FRMD4A: variants seen among roughly 807,000 people sequenced by gnomAD.
The protein encoded by FRMD4A is FERM domain-containing protein 4A.
In FRMD4A, 29 loss-of-function variants were observed where a neutral mutation model predicts 129.1. That is an observed-to-expected ratio of 0.22 (90% CI 0.17 to 0.31). The LOEUF (loss-of-function observed/expected upper bound fraction) is 0.31, where lower values mean the gene tolerates loss of function less well. FRMD4A is among the 10% of genes least tolerant of loss of function. The pLI, the probability that FRMD4A is intolerant of heterozygous loss-of-function variation, is 1.00. For missense variants in FRMD4A, 1,272 were observed against 1,375.8 expected (o/e 0.92, Z 1.19); for synonymous variants, 634 against 571.6 (o/e 1.11, Z -1.56).
chr10:14,100,051 A>T (rs1228130099), intron 2 of FRMD4A, among the ~76,000 whole-genome samples: 1 of 152,232 alleles, frequency 6.6e-6, no homozygotes, highest in Non-Finnish European at 1.5e-5. Flanking sequence ...TTTCACCCCC[A>T]CGTGCCAGAC....
intron 2 of FRMD4A, among the ~76,000 whole-genome samples, chr10:13,964,486 T>TGGGGGGGGGAGGGGGGGGGGGGGG (rs1485386442): frequency 3.5e-5 from 1 of 28,198 alleles, no homozygotes; most frequent in Non-Finnish European, 8.3e-5. Context: ...TGGGGGTGGG[T>TGGGGGGGGGAGGGGGGGGGGGGGG]GGGGAGGCAA....
intron 21 of FRMD4A, 25 bp downstream of exon 21, chr10:13,659,298 G>A (rs1207213538): frequency 6.2e-7 from 1 of 1,607,358 alleles, no homozygotes; most frequent in South Asian, 1.1e-5. Context: ...GGCTTGGTCT[G>A]AGCAGGAAGG....
intron 3 of FRMD4A, among the ~76,000 whole-genome samples, chr10:13,841,637 C>T (rs1433442408): frequency 1.3e-5 from 2 of 152,210 alleles, no homozygotes; most frequent in Non-Finnish European, 2.9e-5. Flanking sequence ...GAGTGTTGCA[C>T]TGTAACTCCA....
At chr10:14,163,058 T>C (rs996120440) in intron 2 of FRMD4A, among the ~76,000 whole-genome samples, 6 of 152,086 alleles carry the variant, frequency 3.9e-5, no homozygotes, top group African/African-American at 1.4e-4. Context: ...CAAAGAATAA[T>C]AGAAAGTTTG....
Position 14,150,182 on chromosome 10 carries a change from A to G in FRMD4A, c.45+179876T>C, listed in dbSNP as rs117618612. 4.0e-3 allele frequency among the ~76,000 whole-genome samples: 608 copies of G among 152,298 alleles called. 9 individuals are homozygous for G. In the East Asian group the frequency reaches 0.043, roughly 11 times the overall value. On this transcript the variant is annotated intron_variant, in intron 2 of 24. Coordinates refer to ENST00000357447, the MANE Select transcript of FRMD4A (RefSeq NM_018027.5). ...GGTCCCTCCCTCAACACTGGGGATT[A>G]CAATTCAGTATGAGATTTGGGTGGG... is the stretch of plus-strand genomic sequence containing the variant.
chr10:13,908,356 G>T lies in FRMD4A; in HGVS notation c.46-49444C>A, dbSNP rs150561975. ...CAGAAGGTGATAGTCTCCTACAGTA[G>T]GTCTCTAGCATTCCCTATTTGTTTC... On this transcript the variant is annotated intron_variant, in intron 2 of 24. Coordinates refer to ENST00000357447, the MANE Select transcript of FRMD4A (RefSeq NM_018027.5). 1.5e-4 allele frequency among the ~76,000 whole-genome samples: 23 copies of T among 152,126 alleles called. No individual in the cohort carries two copies. The East Asian group carries it at 3.5e-3, about 23-fold the overall frequency.
chr10:13,849,227 T>C (rs1315531722), intron 3 of FRMD4A, among the ~76,000 whole-genome samples: 1 of 152,202 alleles, frequency 6.6e-6, no homozygotes, highest in Non-Finnish European at 1.5e-5. Context: ...TGAGTCCCTC[T>C]GTCTGCTCCC....
At chr10:13,709,854 T>G (rs2087836118) in intron 12 of FRMD4A, among the ~76,000 whole-genome samples, 3 of 152,062 alleles carry the variant, frequency 2.0e-5, no homozygotes, top group East Asian at 1.9e-4. Flanking sequence ...ATATCTTTAT[T>G]CTTTTTTTTT....
chr10:14,106,953 T>C (rs1048521509), intron 2 of FRMD4A, among the ~76,000 whole-genome samples: 2 of 152,184 alleles, frequency 1.3e-5, no homozygotes, highest in East Asian at 3.8e-4. Context: ...TCAACCTAAG[T>C]GCCCAGCAAT....
chr10:13,660,788 T>C (rs10796106), intron 19 of FRMD4A, among the ~76,000 whole-genome samples: 121,611 of 152,156 alleles, frequency 0.8, 48,903 homozygotes, highest in East Asian at 0.85. Context: ...TGGGAAGAGA[T>C]GCGTCACTTT....
chr10:14,024,907 A>G (rs1474346415), intron 2 of FRMD4A, among the ~76,000 whole-genome samples: 5 of 152,254 alleles, frequency 3.3e-5, no homozygotes, highest in Non-Finnish European at 7.3e-5. Flanking sequence ...ATAAATGGCT[A>G]AACACACTGG....
intron 2 of FRMD4A, among the ~76,000 whole-genome samples, chr10:13,951,890 A>AAATTAAT (rs2095373061): frequency 7.8e-6 from 1 of 127,654 alleles, no homozygotes; most frequent in Admixed American, 8.0e-5. Context: ...ACTCTGTCTC[A>AAATTAAT]AATAATAATA....
At chr10:13,649,946 C>T (rs528661212) in intron 24 of FRMD4A, among the ~76,000 whole-genome samples, 1 of 152,340 alleles carries the variant, frequency 6.6e-6, no homozygotes, top group African/African-American at 2.4e-5. Context: ...GCTCTCTCAA[C>T]TGTGACCCAG....
intron 2 of FRMD4A, among the ~76,000 whole-genome samples, chr10:14,187,616 C>A (rs146369216): frequency 1.3e-5 from 2 of 152,088 alleles, no homozygotes; most frequent in African/African-American, 4.8e-5. Context: ...CCCGTCCCTA[C>A]GAAAAATCAA....
At chr10:13,807,856 T>C (rs1253167537) in intron 4 of FRMD4A, among the ~76,000 whole-genome samples, 1 of 150,984 alleles carries the variant, frequency 6.6e-6, no homozygotes, top group African/African-American at 2.4e-5. Flanking sequence ...TGGAGTGCAG[T>C]GGCACACTCT....
rs1029749138 is a variant in FRMD4A, at chr10:13,663,593, C to T, written c.1604-84G>A. On this transcript the variant is annotated intron_variant, in intron 18 of 24. Coordinates refer to ENST00000357447, the MANE Select transcript of FRMD4A (RefSeq NM_018027.5). The stretch of plus-strand genomic sequence containing the variant: ...TCTGTAAAAATAGCATGTCTACTAC[C>T]ACCTCATACCTTTCTCTTCCTAACC... 5 of 753,786 alleles carry T rather than the reference C, an allele frequency of 6.6e-6. No homozygotes were observed. In the South Asian group the frequency reaches 7.3e-5, roughly 11 times the overall value. The allele number at this position is 753,786 out of a possible 1,614,324, so 46.7% of individuals were successfully genotyped here. A position where few individuals can be genotyped will look rare whatever the true frequency, so the allele number is the denominator to read the frequency against.
intron 4 of FRMD4A, among the ~76,000 whole-genome samples, chr10:13,802,963 C>T (rs1181505782): frequency 6.6e-6 from 1 of 152,116 alleles, no homozygotes; most frequent in Non-Finnish European, 1.5e-5. Flanking sequence ...GCCTGGCTAA[C>T]ATGGTGAAAC....
chr10:14,191,523 C>A (rs953101590), intron 2 of FRMD4A, among the ~76,000 whole-genome samples: 1 of 152,182 alleles, frequency 6.6e-6, no homozygotes, highest in African/African-American at 2.4e-5. Context: ...ATCGACCGCT[C>A]CCCTCTGTTT....
intron 2 of FRMD4A, among the ~76,000 whole-genome samples, chr10:14,001,427 T>A (rs1252827645): frequency 6.6e-6 from 1 of 152,214 alleles, no homozygotes; most frequent in African/African-American, 2.4e-5. Context: ...CTGAAACGCC[T>A]GGGAGTCCTG....
Sources: gnomAD v4.1 joint callset for allele counts (sites outside exome capture counted in the v4.1 genomes callset) on GRCh38, gnomAD v4.1.1 for gene constraint, MANE v1.5 for transcripts, NCBI Gene and HGNC (gene_info 2026-07-23, HGNC 2026-07-21) for gene names.